The following SLC38A7 variants were observed in gnomAD, a reference collection of about 807,000 sequenced individuals.
SLC38A7 encodes sodium-coupled neutral amino acid transporter 7.
SLC38A7 carries 29 observed loss-of-function variants against 50.1 expected under a neutral mutation model. The observed-to-expected ratio is 0.58, with a 90% confidence interval of 0.43 to 0.79. SLC38A7 has a LOEUF of 0.79. SLC38A7 is among the 30% of genes least tolerant of loss of function. SLC38A7 has a pLI of 0.00. For missense variants in SLC38A7, 483 were observed against 610.6 expected, an observed-to-expected ratio of 0.79 and a Z score of 2.20; for synonymous variants, 244 against 245.9, an observed-to-expected ratio of 0.99 and a Z score of 0.07.
intron 2 of SLC38A7, among the ~76,000 whole-genome samples, chr16:58,680,970 G>A (rs911695244): frequency 6.6e-6 from 1 of 152,036 alleles, no homozygotes; most frequent in East Asian, 1.9e-4. Flanking sequence ...GCTCTTCTTG[G>A]AGCCATGTAG....
chr16:58,670,079 C>T (rs1379465487), intron 11 of SLC38A7, 34 bp downstream of exon 11: 2 of 1,611,078 alleles, frequency 1.2e-6, no homozygotes, highest in Non-Finnish European at 1.7e-6. Context: ...TCCAGCACCT[C>T]CCTGAGAGGA....
At chr16:58,679,358 C>T (rs2044337340) in intron 3 of SLC38A7, among the ~76,000 whole-genome samples, 1 of 152,170 alleles carries the variant, frequency 6.6e-6, no homozygotes, top group South Asian at 2.1e-4. Flanking sequence ...GGCCACTGCA[C>T]TCCAGCCTGG....
chr16:58,671,440 A>C, intron 9 of SLC38A7, 196 bp from the exon 10 acceptor site: 1 of 606,464 alleles, frequency 1.6e-6, no homozygotes, highest in East Asian at 2.8e-5. Context: ...TCGAGAGCTT[A>C]GCACTTTGCT....
At position 58,671,037 on chromosome 16, in the gene SLC38A7, G is replaced by T. The variant is rs904507298; in HGVS notation, c.1231+8C>A. On this transcript the variant is annotated splice_region_variant and intron_variant, in intron 10 of 11. Transcript: ENST00000219320. ...GGGGCTGTGAGATGGGGCGCCAGGG[G>T]TCCGCACCTGGGAAGACGAAGATGA... 2.5e-6 allele frequency: 4 copies of T among 1,579,518 alleles called. No homozygotes were observed. The African/African-American group carries it at 5.4e-5, about 21-fold the overall frequency.
chr16:58,673,085 T>G (rs1333703977), intron 8 of SLC38A7, among the ~76,000 whole-genome samples: 2 of 35,892 alleles, frequency 5.6e-5, no homozygotes, highest in African/African-American at 2.0e-4. Flanking sequence ...CCCGGCTAAT[T>G]TTTTTTTTTT....
Position 58,680,071 on chromosome 16 carries a change from G to T in SLC38A7, c.56C>A (p.Ala19Asp), listed in dbSNP as rs867215775. The change falls in exon 3 of 12, where the codon GCC (alanine) becomes GAC (aspartate). Residue 19 changes from alanine (A) to aspartate (D), a missense_variant. Ala to Asp is a moderately radical substitution (Grantham distance 126). Transcript: ENST00000219320. ...DYSEWDLSTDAGERARLLQSP... is the reference protein window; with the variant it reads ...DYSEWDLSTDDGERARLLQSP... ...CTGCAGCAGCCGAGCCCGCTCCCCG[G>T]CATCCGTGCTCAAGTCCCACTCGCT... The T allele has an allele frequency of 6.4e-7, 1 of 1,573,506 alleles. No homozygotes were observed. Among genetic ancestry groups the T allele is most frequent in the Non-Finnish European group, 8.6e-7 (1 of 1,159,446 alleles).
At chr16:58,684,251 C>T (rs966919034) in intron 1 of SLC38A7, 73 bp from the exon 2 acceptor site, 4 of 152,456 alleles carry the variant, frequency 2.6e-5, no homozygotes, top group East Asian at 1.9e-4. Context: ...GCTGGCAGAG[C>T]CAGAATAGAA....
At chr16:58,677,538 G>A (rs755047368) in intron 5 of SLC38A7, 114 bp from the exon 6 acceptor site, 27 of 856,096 alleles carry the variant, frequency 3.2e-5, no homozygotes, top group East Asian at 1.8e-4. Context: ...TGAATGAACC[G>A]GAGACTATGC....
intron 8 of SLC38A7, among the ~76,000 whole-genome samples, chr16:58,674,216 A>T (rs1485195824): frequency 6.6e-6 from 1 of 152,060 alleles, no homozygotes; most frequent in Non-Finnish European, 1.5e-5. Flanking sequence ...CGGTTCTCCC[A>T]TCTCAGCTTT....
At chr16:58,675,042 T>C (rs975731828) in intron 8 of SLC38A7, among the ~76,000 whole-genome samples, 10 of 152,168 alleles carry the variant, frequency 6.6e-5, no homozygotes, top group South Asian at 6.2e-4. Context: ...TCCAGCCACA[T>C]AGACTTTCTT....
intron 8 of SLC38A7, among the ~76,000 whole-genome samples, chr16:58,673,345 C>T: frequency 6.6e-6 from 1 of 151,578 alleles, no homozygotes; most frequent in South Asian, 2.1e-4. Context: ...AAGTGATTCT[C>T]CTGCCACAGA....
At chr16:58,671,281 T>C (rs1044564495) in intron 9 of SLC38A7, 37 bp from the exon 10 acceptor site, 2 of 1,595,746 alleles carry the variant, frequency 1.3e-6, no homozygotes, top group Non-Finnish European at 1.7e-6. Context: ...GTGCCCCTGC[T>C]GCTAGCAGCT....
Position 58,678,251 on chromosome 16 carries a change from G to A in SLC38A7, c.611+82C>T. 2.1e-6 allele frequency: 3 copies of A among 1,421,718 alleles called. No individual in the cohort carries two copies. Among genetic ancestry groups the A allele is most frequent in the Non-Finnish European group, 2.8e-6 (3 of 1,075,504 alleles). 88.1% of individuals were successfully genotyped at this position (1,421,718 alleles called of 1,614,324 possible). Reference sequence around the variant, plus strand: ...CTCCCCAAGGTGAGGTGGCATGGAGGAGCAGGGTTCCCCAGGAGCCCTTGG... The same window carrying A: ...CTCCCCAAGGTGAGGTGGCATGGAGAAGCAGGGTTCCCCAGGAGCCCTTGG... On this transcript the variant is annotated intron_variant, in intron 5 of 11. Coordinates refer to ENST00000219320, the MANE Select transcript of SLC38A7 (RefSeq NM_018231.3). This position sits in a 1 kb window ranked among gnomAD's most constrained non-coding sequence, Gnocchi z 4.0.
In SLC38A7 at chr16:58,672,083, G is replaced by C; in HGVS notation, c.1031+13C>G. On this transcript the variant is annotated intron_variant, in intron 9 of 11. Coordinates refer to ENST00000219320, the MANE Select transcript of SLC38A7 (RefSeq NM_018231.3). ...GGGCTAGGAGGGGCCCTGGGGAGTG[G>C]AAGGGGGCTCACCGCCCACAGAAGT... 1 of 1,551,378 alleles carries C rather than the reference G, an allele frequency of 6.4e-7. No homozygotes were observed. The highest frequency in any genetic ancestry group is 1.2e-5 in the South Asian group (1 of 83,642).
rs2044030410 is a variant in SLC38A7 at position 58,666,063 on chromosome 16, T to G, written c.*1322A>C. Reference sequence around the variant, plus strand: ...CATCAGTGACAACCCAGCTGCCTTTTTGTTTGTTTCTGTTTTTTTGAGATG... The same window carrying G: ...CATCAGTGACAACCCAGCTGCCTTTGTGTTTGTTTCTGTTTTTTTGAGATG... On this transcript the variant is annotated 3_prime_UTR_variant, in exon 12 of 12. Transcript: ENST00000219320. 1 of 152,684 alleles carries G rather than the reference T, an allele frequency of 6.5e-6. No individual in the cohort carries two copies. Among genetic ancestry groups the G allele is most frequent in the Non-Finnish European group, 1.5e-5 (1 of 68,446 alleles). The allele number at this position is 152,684 out of a possible 1,614,324, so 9.5% of individuals were successfully genotyped here.
chr16:58,677,441 A>C lies in SLC38A7; in HGVS notation c.612-17T>G. ...CTCAGGAAGCTGCCGGGAAGGAGAG[A>C]CTAAGTGTCCTCATCCCCAGCTGCC... On this transcript the variant is annotated splice_polypyrimidine_tract_variant and intron_variant, in intron 5 of 11. Transcript: ENST00000219320. The C allele has an allele frequency of 1.9e-6, 3 of 1,611,646 alleles. No individual in the cohort carries two copies. Among genetic ancestry groups the C allele is most frequent in the Non-Finnish European group, 2.5e-6 (3 of 1,177,772 alleles).
rs1224135717 is a variant in SLC38A7, at chr16:58,678,265, A to T, written c.611+68T>A. Reference sequence around the variant, plus strand: ...GTGGCATGGAGGAGCAGGGTTCCCCAGGAGCCCTTGGGTCTACAGCTGCCC... The same window carrying T: ...GTGGCATGGAGGAGCAGGGTTCCCCTGGAGCCCTTGGGTCTACAGCTGCCC... On this transcript the variant is annotated intron_variant, in intron 5 of 11. Coordinates refer to ENST00000219320, the MANE Select transcript of SLC38A7 (RefSeq NM_018231.3). This position sits in a 1 kb window ranked among gnomAD's most constrained non-coding sequence, Gnocchi z 4.0. The T allele has an allele frequency of 9.0e-6, 13 of 1,443,352 alleles. No individual in the cohort carries two copies. Among genetic ancestry groups the T allele is most frequent in the Non-Finnish European group, 9.2e-7 (1 of 1,091,834 alleles). The allele number at this position is 1,443,352 out of a possible 1,614,324, so 89.4% of individuals were successfully genotyped here. A position where few individuals can be genotyped will look rare whatever the true frequency, so the allele number is the denominator to read the frequency against.
chr16:58,678,836 C>T lies in SLC38A7; in HGVS notation c.329G>A (p.Ser110Asn). 6.2e-7 allele frequency: 1 copy of T among 1,614,178 alleles called. No homozygotes were observed. The highest frequency in any genetic ancestry group is 8.5e-7 in the Non-Finnish European group (1 of 1,180,036). Residue 110 changes from serine to asparagine, a missense_variant, in exon 4 of 12, where the codon AGC becomes AAC. Ser to Asn is a conservative substitution (Grantham distance 46). Transcript: ENST00000219320. The surrounding 1 kb of genome is among the most constrained non-coding windows in gnomAD (Gnocchi z 4.0). ...LVILAYCSQA[S>N]NERTYQEVVW... ...CACCTCCTGGTAGGTCCTCTCATTGCTGGCCTGGGAGCAGTAGGCCAGGAT... is the reference window on the plus strand; with the variant it reads ...CACCTCCTGGTAGGTCCTCTCATTGTTGGCCTGGGAGCAGTAGGCCAGGAT...
chr16:58,683,213 G>A (rs1205926112), intron 2 of SLC38A7, among the ~76,000 whole-genome samples: 1 of 152,190 alleles, frequency 6.6e-6, no homozygotes, highest in Admixed American at 6.5e-5. Flanking sequence ...GGAAAAAAAG[G>A]GAACTGAGCA....
Sources: gnomAD v4.1 joint callset for allele counts (sites outside exome capture counted in the v4.1 genomes callset) on GRCh38, gnomAD v4.1.1 for gene constraint, Gnocchi (gnomAD v3.1) non-coding constraint, MANE v1.5 for transcripts, NCBI Gene and HGNC (gene_info 2026-07-23, HGNC 2026-07-21) for gene names.